Variants in FRAS1 observed in about 807,000 individuals in gnomAD.
The protein encoded by FRAS1 is Fraser extracellular matrix complex subunit 1.
Under a neutral mutation model 435.2 loss-of-function variants are expected in FRAS1, and 290 were observed. That is an observed-to-expected ratio of 0.67 (90% CI 0.61 to 0.73). The LOEUF (loss-of-function observed/expected upper bound fraction) is 0.73, where lower values mean the gene tolerates loss of function less well. FRAS1 is among the 30% of genes least tolerant of loss of function. FRAS1 has a pLI of 0.00. For synonymous variants in FRAS1, 1,800 were observed against 1,851.0 expected (o/e 0.97, Z 0.71); for missense variants, 4,860 against 5,001.5 (o/e 0.97, Z 0.85).
chr4:78,464,421 C>A, intron 48 of FRAS1, 22 bp from the exon 49 acceptor site: 1 of 1,613,854 alleles, frequency 6.2e-7, no homozygotes, highest in Non-Finnish European at 8.5e-7. Flanking sequence ...GGTGTCCCAC[C>A]TGCACTTTCC....
At chr4:78,437,373 T>C (rs1734470883) in intron 38 of FRAS1, among the ~76,000 whole-genome samples, 1 of 152,252 alleles carries the variant, frequency 6.6e-6, no homozygotes, top group African/African-American at 2.4e-5. Flanking sequence ...AAGCAGTCTT[T>C]TGGAGTCTAT....
At chr4:78,282,785 C>A (rs775382007) in intron 11 of FRAS1, 35 bp from the exon 12 acceptor site, 26 of 1,609,592 alleles carry the variant, frequency 1.6e-5, no homozygotes, top group Non-Finnish European at 7.6e-6. Flanking sequence ...TTACTGCATC[C>A]TGATGACAAT....
chr4:78,468,397 T>C (rs1699448449), intron 50 of FRAS1, among the ~76,000 whole-genome samples: 1 of 152,160 alleles, frequency 6.6e-6, no homozygotes, highest in African/African-American at 2.4e-5. Context: ...ATCTGTAAAG[T>C]GGAAGTGATA....
At position 78,541,260 on chromosome 4, in the gene FRAS1, C is replaced by T. The variant is rs1722042677; in HGVS notation, c.*136C>T. 1 of 468,056 alleles carries T rather than the reference C, an allele frequency of 2.1e-6. No homozygotes were observed. The highest frequency in any genetic ancestry group is 2.0e-5 in the African/African-American group (1 of 50,014). The allele number at this position is 468,056 out of a possible 1,614,324, so 29.0% of individuals were successfully genotyped here. ...GGCAGACAGCACACATCACATGCAT[C>T]AACTCACAACTGAGCTACCTCATTC... On this transcript the variant is annotated 3_prime_UTR_variant, in exon 74 of 74. Transcript: ENST00000512123.
Position 78,271,912 on chromosome 4 carries a change from C to G in FRAS1, c.981+4480C>G, listed in dbSNP as rs550481254. Among the ~76,000 whole-genome samples, 8 of 152,332 alleles carry G rather than the reference C, an allele frequency of 5.3e-5. No homozygotes were observed. In the East Asian group the frequency reaches 1.4e-3, roughly 26 times the overall value. On this transcript the variant is annotated intron_variant, in intron 9 of 73. Coordinates refer to ENST00000512123, the MANE Select transcript of FRAS1 (RefSeq NM_025074.7). ...CACACTGTCTTCCACAATGGTTGAA[C>G]TAGTTTACCGTCCCACCAACAGTGT... is the stretch of plus-strand genomic sequence containing the variant.
chr4:78,446,947 A>G, intron 43 of FRAS1, 67 bp downstream of exon 43: 1 of 1,417,634 alleles, frequency 7.1e-7, no homozygotes, highest in South Asian at 1.3e-5. Context: ...GAATAAACAC[A>G]AATATTTCAG....
intron 2 of FRAS1, among the ~76,000 whole-genome samples, chr4:78,123,188 T>G (rs573767074): frequency 1.3e-5 from 2 of 152,352 alleles, no homozygotes; most frequent in South Asian, 2.1e-4. Context: ...TTGAGTTTTC[T>G]GCATGTGGCT....
chr4:78,538,629 A>C (rs1011543422), intron 72 of FRAS1, among the ~76,000 whole-genome samples: 4 of 152,178 alleles, frequency 2.6e-5, no homozygotes, highest in African/African-American at 9.7e-5. Flanking sequence ...GGCAGCAAGA[A>C]GTGCCGAGCA....
chr4:78,487,479 G>A (rs542850231), intron 58 of FRAS1, among the ~76,000 whole-genome samples: 1 of 152,214 alleles, frequency 6.6e-6, no homozygotes, highest in African/African-American at 2.4e-5. Context: ...GAGGCAGCCA[G>A]GAAATTGGTG....
chr4:78,226,946 C>T (rs1724302302), intron 2 of FRAS1, among the ~76,000 whole-genome samples: 1 of 152,062 alleles, frequency 6.6e-6, no homozygotes, highest in African/African-American at 2.4e-5. Flanking sequence ...TAGGTATAGC[C>T]AGTCTGCCGT....
At chr4:78,512,650 T>C (rs920563274) in intron 64 of FRAS1, among the ~76,000 whole-genome samples, 2 of 152,230 alleles carry the variant, frequency 1.3e-5, no homozygotes, top group East Asian at 1.9e-4. Context: ...CTTGTCCTCA[T>C]AGTGGAGAGG....
rs750620429 is a variant in FRAS1 at position 78,441,246 on chromosome 4, A to G, written c.5614A>G (p.Ile1872Val). 6 of 1,613,720 alleles carry G rather than the reference A, an allele frequency of 3.7e-6. No homozygotes were observed. Among genetic ancestry groups the G allele is most frequent in the East Asian group, 2.2e-5 (1 of 44,882 alleles). ...DDDNLQRDAI[I>V]KLSALPKYGC... ...TGACAACCTCCAGAGAGATGCCATCATTAAACTAAGTGCTCTGCCCAAATA... is the reference window on the plus strand; with the variant it reads ...TGACAACCTCCAGAGAGATGCCATCGTTAAACTAAGTGCTCTGCCCAAATA... Residue 1872 changes from isoleucine (I) to valine (V), a missense_variant, in exon 41 of 74, where the codon ATT (isoleucine) becomes GTT (valine). Coordinates refer to ENST00000512123, the MANE Select transcript of FRAS1 (RefSeq NM_025074.7).
intron 23 of FRAS1, 139 bp from the exon 24 acceptor site, chr4:78,372,579 A>G (rs1175207608): frequency 9.9e-7 from 1 of 1,011,216 alleles, no homozygotes; most frequent in Non-Finnish European, 1.5e-6. Context: ...TGGAAACCTC[A>G]TTTGAGCCTA....
intron 21 of FRAS1, 109 bp from the exon 22 acceptor site, chr4:78,363,799 A>G (rs528396514): frequency 3.2e-5 from 46 of 1,441,074 alleles, no homozygotes; most frequent in Admixed American, 1.7e-4. Context: ...ACTGTAAACC[A>G]GACTTGCCAA....
intron 3 of FRAS1, 97 bp downstream of exon 3, chr4:78,237,714 A>G: frequency 1.9e-6 from 1 of 537,322 alleles, no homozygotes; most frequent in Admixed American, 3.7e-5. Flanking sequence ...CATTTATTCT[A>G]ATCTCTACCT....
At chr4:78,100,011 G>T (rs940390948) in intron 2 of FRAS1, among the ~76,000 whole-genome samples, 31 of 152,118 alleles carry the variant, frequency 2.0e-4, no homozygotes, top group African/African-American at 7.5e-4. Flanking sequence ...TTTGTTTAGT[G>T]ACATATTTAG....
intron 59 of FRAS1, among the ~76,000 whole-genome samples, chr4:78,494,250 CT>C (rs1218977196): frequency 1.3e-5 from 2 of 152,038 alleles, no homozygotes; most frequent in Admixed American, 1.3e-4. Context: ...TAATCTGTTG[CT>C]TCTAACTGTT....
At chr4:78,298,646 C>G (rs999323206) in intron 14 of FRAS1, among the ~76,000 whole-genome samples, 2 of 152,176 alleles carry the variant, frequency 1.3e-5, no homozygotes, top group African/African-American at 2.4e-5. Context: ...ATTACAGCTT[C>G]AAGTTTCTCT....
In FRAS1 at chr4:78,507,702, C is replaced by T. The variant is rs979426066; in HGVS notation, c.9504+94C>T. 8.3e-6 allele frequency: 10 copies of T among 1,199,126 alleles called. No individual in the cohort carries two copies. The South Asian group carries it at 1.8e-4, about 21-fold the overall frequency. 74.3% of individuals were successfully genotyped at this position (1,199,126 alleles called of 1,614,324 possible). ...GTACTCTATTTCTTTATTCTTCTAACCCAGTGGTTCCCAACCAGGAGCCAT... is the reference window on the plus strand; with the variant it reads ...GTACTCTATTTCTTTATTCTTCTAATCCAGTGGTTCCCAACCAGGAGCCAT... On this transcript the variant is annotated intron_variant, in intron 62 of 73. Transcript: ENST00000512123.
Sources: gnomAD v4.1 joint callset for allele counts (sites outside exome capture counted in the v4.1 genomes callset) on GRCh38, gnomAD v4.1.1 for gene constraint, MANE v1.5 for transcripts, NCBI Gene and HGNC (gene_info 2026-07-23, HGNC 2026-07-21) for gene names.